The following COL6A5 variants were observed in gnomAD, a reference collection of about 807,000 sequenced individuals.
COL6A5 encodes collagen type VI alpha 5 chain.
Under a neutral mutation model 65.6 loss-of-function variants are expected in COL6A5, and 48 were observed. The ratio of observed to expected loss-of-function variants is 0.73; its 90% CI spans 0.58 to 0.93. The LOEUF (loss-of-function observed/expected upper bound fraction) is 0.93. Ranked by LOEUF, COL6A5 falls within the 40% of genes least tolerant of loss-of-function variation. The pLI is 0.00. For synonymous variants in COL6A5, 291 were observed against 322.8 expected (o/e 0.90, Z 1.05); for missense variants, 914 against 928.3 (o/e 0.98, Z 0.20).
At chr3:130,478,544 A>G (rs1354807529) in intron 7 of COL6A5, among the ~76,000 whole-genome samples, 1 of 152,090 alleles carries the variant, frequency 6.6e-6, no homozygotes, top group Non-Finnish European at 1.5e-5. Context: ...CTAAGGAATC[A>G]CAGAAGGGCA....
chr3:130,425,594 T>C, intron 29 of COL6A5, among the ~76,000 whole-genome samples: 1 of 152,192 alleles, frequency 6.6e-6, no homozygotes, highest in East Asian at 1.9e-4. Flanking sequence ...TCAGGAAGTC[T>C]TCCCTGATTC....
At chr3:130,476,929 C>G in intron 7 of COL6A5, 1 of 711,576 alleles carries the variant, frequency 1.4e-6, no homozygotes, top group East Asian at 2.7e-5. Context: ...CAGCCCTGCT[C>G]CCTGAAGCCA....
At chr3:130,413,462 A>C (rs1487573909) in intron 20 of COL6A5, 83 bp from the exon 21 acceptor site, 1 of 1,291,864 alleles carries the variant, frequency 7.7e-7, no homozygotes, top group Non-Finnish European at 1.1e-6. Flanking sequence ...TATGTCTAGC[A>C]GAGAATGAAA....
chr3:130,401,305 A>C, intron 11 of COL6A5, 132 bp downstream of exon 11: 1 of 763,854 alleles, frequency 1.3e-6, no homozygotes, highest in Admixed American at 3.4e-5. Flanking sequence ...GTATATAAAA[A>C]AGTGTGGAAG....
At chr3:130,396,534 AGTTT>A (rs1486128467) in intron 8 of COL6A5, among the ~76,000 whole-genome samples, 10 of 152,220 alleles carry the variant, frequency 6.6e-5, no homozygotes, top group African/African-American at 2.4e-4. Context: ...TTGCAGTTGC[AGTTT>A]GTTTGTCGCA....
intron 17 of COL6A5, among the ~76,000 whole-genome samples, chr3:130,406,946 C>G (rs958400788): frequency 1.3e-5 from 2 of 152,166 alleles, no homozygotes; most frequent in African/African-American, 4.8e-5. Flanking sequence ...CCACACAGCC[C>G]TTGTCATCAA....
At chr3:130,446,634 T>C in intron 4 of COL6A5, among the ~76,000 whole-genome samples, 1 of 152,120 alleles carries the variant, frequency 6.6e-6, no homozygotes, top group East Asian at 1.9e-4. Context: ...TCTCACCACG[T>C]CTGAGGGCAG....
At chr3:130,460,439 G>C (rs543478051) in intron 5 of COL6A5, among the ~76,000 whole-genome samples, 5 of 152,206 alleles carry the variant, frequency 3.3e-5, no homozygotes, top group Admixed American at 6.5e-5. Flanking sequence ...TAAACTGGGG[G>C]TTCAGAATAA....
intron 25 of COL6A5, 115 bp from the exon 26 acceptor site, chr3:130,421,038 C>T: frequency 2.3e-6 from 2 of 868,516 alleles, no homozygotes; most frequent in Non-Finnish European, 3.6e-6. Context: ...ACCAATTAGG[C>T]CCCTTCTGCA....
In COL6A5 at chr3:130,449,000, G is replaced by A. The variant is rs187808585; in HGVS notation, c.1332+5434G>A. Among the ~76,000 whole-genome samples the A allele has an allele frequency of 1.8e-4, 27 of 152,260 alleles. No individual in the cohort carries two copies. The Middle Eastern group carries it at 0.01, about 58-fold the overall frequency. On this transcript the variant is annotated intron_variant, in intron 4 of 7. Transcript: ENST00000512836. ...TTACAGCATTAATGGCCCTTAAATC[G>A]GTTACCATCCGCCATTTGCCTGATT...
At chr3:130,362,945 A>G (rs1387895543) in intron 1 of COL6A5, among the ~76,000 whole-genome samples, 2 of 152,242 alleles carry the variant, frequency 1.3e-5, no homozygotes, top group African/African-American at 4.8e-5. Flanking sequence ...TGAAGAGAAC[A>G]TATATTCAAT....
At chr3:130,386,362 A>T (rs1477276178) in intron 5 of COL6A5, among the ~76,000 whole-genome samples, 1 of 152,118 alleles carries the variant, frequency 6.6e-6, no homozygotes, top group East Asian at 1.9e-4. Context: ...CAAAAAAGTT[A>T]GCTGTTGCAG....
intron 3 of COL6A5, among the ~76,000 whole-genome samples, chr3:130,377,152 C>T (rs977080473): frequency 6.6e-6 from 1 of 152,140 alleles, no homozygotes; most frequent in African/African-American, 2.4e-5. Context: ...TTGCACACAG[C>T]TTATGACAGC....
At chr3:130,369,453 T>C (rs2107630638) in intron 1 of COL6A5, among the ~76,000 whole-genome samples, 1 of 152,318 alleles carries the variant, frequency 6.6e-6, no homozygotes, top group South Asian at 2.1e-4. Context: ...AATAATTTCT[T>C]TTTCCCTTTA....
chr3:130,369,053 A>G (rs1182255720), intron 1 of COL6A5, among the ~76,000 whole-genome samples: 1 of 152,030 alleles, frequency 6.6e-6, no homozygotes, highest in Non-Finnish European at 1.5e-5. Context: ...TTCTCCCTCT[A>G]CTGGAGCTCC....
At chr3:130,398,040 T>C in exon 10 of COL6A5, 2 of 1,551,226 alleles carry the variant, frequency 1.3e-6, no homozygotes, top group Non-Finnish European at 1.7e-6. Context: ...GTGCTGCTTA[T>C]TTTTTCAGAC....
At chr3:130,459,553 A>G (rs947832926) in intron 5 of COL6A5, among the ~76,000 whole-genome samples, 5 of 152,052 alleles carry the variant, frequency 3.3e-5, no homozygotes, top group African/African-American at 9.7e-5. Context: ...AACATTCTCC[A>G]GTGTACAGGA....
chr3:130,352,025 G>T (rs1327253050), intron 1 of COL6A5, among the ~76,000 whole-genome samples: 3 of 152,144 alleles, frequency 2.0e-5, no homozygotes, highest in Non-Finnish European at 4.4e-5. Flanking sequence ...GATCAAGCTG[G>T]AATCCATCAT....
chr3:130,473,038 CAAAA>C (rs1005350123), intron 7 of COL6A5, among the ~76,000 whole-genome samples: 1 of 149,068 alleles, frequency 6.7e-6, no homozygotes, highest in Non-Finnish European at 1.5e-5. Flanking sequence ...AAAATACAGA[CAAAA>C]AGAGAGAGAG....
Sources: allele counts gnomAD v4.1 joint callset (sites outside exome capture counted in the v4.1 genomes callset), GRCh38; gene constraint gnomAD v4.1.1; transcripts MANE v1.5; gene names NCBI Gene and HGNC (gene_info 2026-07-23, HGNC 2026-07-21).